The following KDM3A variants were observed in gnomAD, a reference collection of about 807,000 sequenced individuals.
The protein encoded by KDM3A is lysine-specific demethylase 3A.
In KDM3A, 60 loss-of-function variants were observed where a neutral mutation model predicts 158.0. The ratio of observed to expected loss-of-function variants is 0.38; its 90% CI spans 0.31 to 0.47. The LOEUF (loss-of-function observed/expected upper bound fraction) is 0.47. Among genes scored for constraint, KDM3A ranks in the 20% least tolerant of loss-of-function variants. The probability of loss-of-function intolerance (pLI) is 0.99; values close to 1 mark genes in which losing one functional copy is unlikely to be tolerated. For synonymous variants in KDM3A, 608 were observed against 549.3 expected (o/e 1.11, Z -1.49); for missense variants, 1,319 against 1,574.3 (o/e 0.84, Z 2.74).
In KDM3A at chr2:86,484,036, A is replaced by C; in HGVS notation, c.2972A>C (p.Lys991Thr). Reference sequence around the variant, plus strand: ...CATAAATTGAACTCTGAACTTTGGAAACCTGAATCCTTCAGGAAAGAGTTT... The same window carrying C: ...CATAAATTGAACTCTGAACTTTGGACACCTGAATCCTTCAGGAAAGAGTTT... ...VHHKLNSELW[K>T]PESFRKEFGE... The change falls in exon 19 of 26, where the codon AAA (lysine) becomes ACA (threonine). Residue 991 changes from lysine (K) to threonine (T), a missense_variant. Coordinates refer to ENST00000312912, the MANE Select transcript of KDM3A (RefSeq NM_018433.6). 1 of 1,613,972 alleles carries C rather than the reference A, an allele frequency of 6.2e-7. No homozygotes were observed. Among genetic ancestry groups the C allele is most frequent in the Non-Finnish European group, 8.5e-7 (1 of 1,179,878 alleles).
intron 4 of KDM3A, 38 bp from the exon 5 acceptor site, chr2:86,455,047 C>A: frequency 1.7e-6 from 2 of 1,205,110 alleles, no homozygotes; most frequent in Non-Finnish European, 2.4e-6. Flanking sequence ...TTCTTATTAA[C>A]TGTTACCCTT....
At chr2:86,452,521 A>G (rs1046533857) in intron 4 of KDM3A, among the ~76,000 whole-genome samples, 1 of 152,176 alleles carries the variant, frequency 6.6e-6, no homozygotes, top group African/African-American at 2.4e-5. Flanking sequence ...CAACTTGATA[A>G]AACATAACTA....
intron 11 of KDM3A, 34 bp from the exon 12 acceptor site, chr2:86,474,742 T>TGTGTGTAAAAA: frequency 7.4e-6 from 8 of 1,083,098 alleles, no homozygotes; most frequent in Non-Finnish European, 1.1e-5. Context: ...TGTGTGTGTG[T>TGTGTGTAAAAA]ACATTACATC....
chr2:86,489,867 T>G, intron 23 of KDM3A: 3 of 451,502 alleles, frequency 6.6e-6, no homozygotes, highest in Non-Finnish European at 7.7e-6. Context: ...AAGCAGGCCT[T>G]GTCTTTTATG....
rs538660721 is a variant in KDM3A, at chr2:86,456,590, T to G, written c.681+24T>G. 3 of 1,594,134 alleles carry G rather than the reference T, an allele frequency of 1.9e-6. No homozygotes were observed. In the East Asian group the frequency reaches 6.7e-5, roughly 36 times the overall value. On this transcript the variant is annotated intron_variant, in intron 6 of 25. Coordinates refer to ENST00000312912, the MANE Select transcript of KDM3A (RefSeq NM_018433.6). The stretch of plus-strand genomic sequence containing the variant: ...AGGTAAAGACAACAATAACTCTTTG[T>G]AAGATAACTCGACAAAGCATGATAA...
At chr2:86,485,909 G>C in intron 21 of KDM3A, 50 bp downstream of exon 21, 1 of 1,582,414 alleles carries the variant, frequency 6.3e-7, no homozygotes, top group Non-Finnish European at 8.7e-7. Flanking sequence ...AATTCAAAAT[G>C]TTTGGAAAAT....
In KDM3A at chr2:86,442,038, C is replaced by G. The variant is rs764332809; in HGVS notation, c.-10C>G. 26 of 1,613,216 alleles carry G rather than the reference C, an allele frequency of 1.6e-5. No homozygotes were observed. The highest frequency in any genetic ancestry group is 4.0e-5 in the African/African-American group (3 of 74,898). ...TGCAGGGAGGAGCTCTTCCTGCAGG[C>G]GTGGAAACCATGGTGCTCACGCTCG... is the stretch of plus-strand genomic sequence containing the variant. On this transcript the variant is annotated 5_prime_UTR_variant, in exon 2 of 26. Transcript: ENST00000312912.
At chr2:86,489,871 T>C (rs1674373666) in intron 23 of KDM3A, 1 of 456,716 alleles carries the variant, frequency 2.2e-6, no homozygotes, top group Admixed American at 3.8e-5. Context: ...AGGCCTTGTC[T>C]TTTATGTCTG....
intron 25 of KDM3A, chr2:86,491,815 C>T (rs1674469232): frequency 1.1e-5 from 6 of 544,606 alleles, no homozygotes; most frequent in South Asian, 9.3e-5. Context: ...GGTATCAAAA[C>T]CTCTAAAAGG....
intron 8 of KDM3A, among the ~76,000 whole-genome samples, chr2:86,458,022 C>G (rs1421148125): frequency 3.3e-5 from 5 of 152,096 alleles, no homozygotes; most frequent in Non-Finnish European, 7.4e-5. Context: ...GGATAGTTTC[C>G]TGTGTTATAA....
intron 16 of KDM3A, among the ~76,000 whole-genome samples, chr2:86,480,563 A>T (rs1298745128): frequency 1.3e-5 from 2 of 152,180 alleles, no homozygotes; most frequent in Non-Finnish European, 2.9e-5. Flanking sequence ...AGGGACTTCC[A>T]CCTTCTGGCT....
At chr2:86,457,753 TTTAA>T (rs1247811456) in intron 8 of KDM3A, among the ~76,000 whole-genome samples, 2 of 152,150 alleles carry the variant, frequency 1.3e-5, no homozygotes, top group African/African-American at 4.8e-5. Flanking sequence ...TAATAAGGAA[TTTAA>T]TTGGTCATTT....
In KDM3A at chr2:86,480,157, C is replaced by T; in HGVS notation, c.2317-10C>T. The stretch of plus-strand genomic sequence containing the variant: ...GCTTATGTAAAATCGTCCTTTAATG[C>T]TTAACACAGACTTCTTTAGCTGGAG... On this transcript the variant is annotated splice_polypyrimidine_tract_variant and intron_variant, in intron 15 of 25. Coordinates refer to ENST00000312912, the MANE Select transcript of KDM3A (RefSeq NM_018433.6). The T allele has an allele frequency of 6.2e-7, 1 of 1,606,944 alleles. No individual in the cohort carries two copies. The highest frequency in any genetic ancestry group is 8.5e-7 in the Non-Finnish European group (1 of 1,175,238).
At position 86,489,601 on chromosome 2, in the gene KDM3A, C is replaced by CCAGT; in HGVS notation, c.3515_3516insCAGT (p.Leu1173SerfsTer19). The CCAGT allele has an allele frequency of 6.2e-7, 1 of 1,613,936 alleles. No individual in the cohort carries two copies. Among genetic ancestry groups the CCAGT allele is most frequent in the African/African-American group, 1.3e-5 (1 of 75,014 alleles). On this transcript the variant is annotated frameshift_variant, in exon 23 of 26. Coordinates refer to ENST00000312912, the MANE Select transcript of KDM3A (RefSeq NM_018433.6). LOFTEE classifies it high-confidence loss of function. ...ATTGAAGGAAAAGAGAAGCCAGGAGCACTGTGGCACATATATGCTGCAAAG... is the reference window on the plus strand; with the variant it reads ...ATTGAAGGAAAAGAGAAGCCAGGAGCCAGTACTGTGGCACATATATGCTGCAAAG...
chr2:86,443,557 T>C (rs970431527), intron 2 of KDM3A: 1 of 152,182 alleles, frequency 6.6e-6, no homozygotes, highest in Non-Finnish European at 1.5e-5. Flanking sequence ...ATTGCCCCCA[T>C]TTTATGGATG....
chr2:86,489,054 TAG>T, intron 21 of KDM3A: 1 of 373,686 alleles, frequency 2.7e-6, no homozygotes, highest in Non-Finnish European at 4.9e-6. Context: ...TCACTTGATC[TAG>T]CAGATGTCCT....
intron 9 of KDM3A, among the ~76,000 whole-genome samples, chr2:86,465,807 T>C (rs989850100): frequency 3.3e-5 from 5 of 151,992 alleles, no homozygotes; most frequent in African/African-American, 1.2e-4. Context: ...TCTTGACACA[T>C]TGACCTTTAC....
rs1157852157 is a variant in KDM3A at position 86,484,935 on chromosome 2, C to T, written c.3095-7C>T. 1.3e-6 allele frequency: 2 copies of T among 1,563,070 alleles called. No individual in the cohort carries two copies. Among genetic ancestry groups the T allele is most frequent in the African/African-American group, 1.4e-5 (1 of 73,728 alleles). On this transcript the variant is annotated splice_region_variant and splice_polypyrimidine_tract_variant and intron_variant, in intron 19 of 25. Coordinates refer to ENST00000312912, the MANE Select transcript of KDM3A (RefSeq NM_018433.6). ...AATAGTAATAGTTCATTCTGTTTAC[C>T]TTTCAGATCGTTTGAAAAATGAAAA...
chr2:86,464,771 G>A lies in KDM3A; in HGVS notation c.1007+555G>A, dbSNP rs533672231. Among the ~76,000 whole-genome samples the A allele has an allele frequency of 5.6e-4, 85 of 152,368 alleles. 1 individual carries two copies. Among genetic ancestry groups the A allele is most frequent in the African/African-American group, 2.0e-3 (84 of 41,588 alleles). On this transcript the variant is annotated intron_variant, in intron 9 of 25. Transcript: ENST00000312912. The stretch of plus-strand genomic sequence containing the variant: ...TTAAAGTAGGTACAAGGTTGACAGA[G>A]CAAGTAGTTTCAAGGGAAGGATCTC...
Sources: allele counts gnomAD v4.1 joint callset (sites outside exome capture counted in the v4.1 genomes callset), GRCh38; gene constraint gnomAD v4.1.1; transcripts MANE v1.5; gene names NCBI Gene and HGNC (gene_info 2026-07-23, HGNC 2026-07-21).